PHYHIPL: variants seen among roughly 807,000 people sequenced by gnomAD.
PHYHIPL encodes phytanoyl-CoA 2-hydroxylase interacting protein like.
Under a neutral mutation model 33.4 loss-of-function variants are expected in PHYHIPL, and 9 were observed. The observed-to-expected ratio is 0.27, with a 90% CI of 0.16 to 0.47. The LOEUF is 0.47. PHYHIPL is among the 20% of genes least tolerant of loss of function. The pLI, the probability that PHYHIPL is intolerant of heterozygous loss-of-function variation, is 0.99. For missense variants in PHYHIPL, 365 were observed against 460.7 expected (o/e 0.79, Z 1.90); for synonymous variants, 153 against 154.1 (o/e 0.99, Z 0.05).
chr10:59,189,068 G>A (rs1367928555), intron 1 of PHYHIPL, among the ~76,000 whole-genome samples: 3 of 152,000 alleles, frequency 2.0e-5, no homozygotes, highest in Non-Finnish European at 2.9e-5. Flanking sequence ...TTATATTGAT[G>A]CATATTACAA....
intron 1 of PHYHIPL, chr10:59,177,712 G>A: frequency 7.0e-6 from 10 of 1,418,930 alleles, no homozygotes; most frequent in Non-Finnish European, 7.8e-6. Context: ...ACAGGTCTGA[G>A]CGTTGAAGAC....
At chr10:59,174,571 C>T (rs967199144), upstream of PHYHIPL, among the ~76,000 whole-genome samples, 3 of 152,204 alleles carry the variant, frequency 2.0e-5, no homozygotes, top group Non-Finnish European at 4.4e-5. Context: ...TCCAAATCCT[C>T]AGCAGAAAGG....
At chr10:59,207,525 G>A (rs572806257) in intron 1 of PHYHIPL, among the ~76,000 whole-genome samples, 52 of 152,290 alleles carry the variant, frequency 3.4e-4, no homozygotes, top group South Asian at 2.7e-3. Flanking sequence ...AGAGCCCACC[G>A]CAGCTCAGCA....
At chr10:59,212,603 A>G (rs1183328387) in intron 1 of PHYHIPL, among the ~76,000 whole-genome samples, 1 of 152,240 alleles carries the variant, frequency 6.6e-6, no homozygotes, top group Non-Finnish European at 1.5e-5. Context: ...TCTGCATGTC[A>G]CTTTCCTTTT....
chr10:59,227,633 C>G (rs1169435398), intron 1 of PHYHIPL, among the ~76,000 whole-genome samples: 1 of 152,010 alleles, frequency 6.6e-6, no homozygotes, highest in East Asian at 1.9e-4. Context: ...GTACATATAC[C>G]TCACACTATG....
chr10:59,239,772 C>CT lies in PHYHIPL; in HGVS notation c.596+1068dup, dbSNP rs539989249. On this transcript the variant is annotated intron_variant, in intron 4 of 4. Transcript: ENST00000373880. ...TTGTGTTTTAAAAGCCTTAGTCTCA[C>CT]TAAGGCTTTTAAAATGGCAAATGCT... Among the ~76,000 whole-genome samples the CT allele has an allele frequency of 3.5e-3, 525 of 152,064 alleles. 1 individual carries two copies. The highest frequency in any genetic ancestry group is 6.1e-3 in the Admixed American group (93 of 15,262).
chr10:59,198,325 T>C (rs1838985656), intron 1 of PHYHIPL, among the ~76,000 whole-genome samples: 4 of 152,136 alleles, frequency 2.6e-5, no homozygotes, highest in Admixed American at 2.6e-4. Flanking sequence ...GTCCTTGCGA[T>C]AGTTTTCTGA....
intron 1 of PHYHIPL, among the ~76,000 whole-genome samples, chr10:59,224,456 G>GAAAGGAAACA (rs1554798694): frequency 7.1e-6 from 1 of 139,902 alleles, no homozygotes; most frequent in East Asian, 2.1e-4. Context: ...CTGTCTCAAG[G>GAAAGGAAACA]AAACAAAACA....
chr10:59,218,293 C>T (rs1371408045), intron 1 of PHYHIPL, among the ~76,000 whole-genome samples: 4 of 152,172 alleles, frequency 2.6e-5, no homozygotes, highest in Non-Finnish European at 4.4e-5. Flanking sequence ...GAAGCTTAAG[C>T]TTCATTATCT....
intron 1 of PHYHIPL, among the ~76,000 whole-genome samples, chr10:59,228,085 A>C (rs1839979244): frequency 6.6e-6 from 1 of 151,698 alleles, no homozygotes; most frequent in Non-Finnish European, 1.5e-5. Flanking sequence ...AATATGATTC[A>C]ACATTTGCAC....
chr10:59,224,496 A>AAAACAAAACAAAAC (rs370381201), intron 1 of PHYHIPL, among the ~76,000 whole-genome samples: 3 of 52,430 alleles, frequency 5.7e-5, no homozygotes, highest in Non-Finnish European at 1.7e-4. Context: ...AAAACAAAAC[A>AAAACAAAACAAAAC]AAAAACAAAA....
chr10:59,182,727 A>T (rs1364742832), intron 1 of PHYHIPL, among the ~76,000 whole-genome samples: 4 of 152,192 alleles, frequency 2.6e-5, no homozygotes, highest in African/African-American at 9.6e-5. Context: ...CTGAGCAGAA[A>T]AAAATAGGTA....
chr10:59,185,184 G>T (rs1838548834), intron 1 of PHYHIPL, among the ~76,000 whole-genome samples: 1 of 151,564 alleles, frequency 6.6e-6, no homozygotes, highest in African/African-American at 2.4e-5. Context: ...TAGAGACGGG[G>T]TTTCACCGTT....
chr10:59,219,959 A>T (rs1333901827), intron 1 of PHYHIPL, among the ~76,000 whole-genome samples: 1 of 152,154 alleles, frequency 6.6e-6, no homozygotes, highest in African/African-American at 2.4e-5. Context: ...GAATTATGCA[A>T]ACAACTTGTA....
At chr10:59,212,084 G>A (rs1273824587) in intron 1 of PHYHIPL, among the ~76,000 whole-genome samples, 1 of 152,086 alleles carries the variant, frequency 6.6e-6, no homozygotes, top group African/African-American at 2.4e-5. Context: ...AGCTTTATAA[G>A]AAGAAGAAGA....
intron 1 of PHYHIPL, chr10:59,206,855 T>A (rs186413533): frequency 9.1e-6 from 10 of 1,100,928 alleles, no homozygotes; most frequent in African/African-American, 1.7e-5. Flanking sequence ...GTAAGTGCAC[T>A]TCATCTCCTG....
chr10:59,229,788 G>A (rs1278245159), intron 1 of PHYHIPL, among the ~76,000 whole-genome samples: 1 of 152,198 alleles, frequency 6.6e-6, no homozygotes, highest in Non-Finnish European at 1.5e-5. Context: ...TGAACACTCA[G>A]CAGTGTGTGA....
chr10:59,236,334 C>A, intron 2 of PHYHIPL, 149 bp from the exon 3 acceptor site: 4 of 451,316 alleles, frequency 8.9e-6, no homozygotes, highest in African/African-American at 2.0e-5. Flanking sequence ...CCTCCTTTTC[C>A]CTCCTTCCTT....
chr10:59,177,328 T>A, intron 1 of PHYHIPL: 1 of 758,150 alleles, frequency 1.3e-6, no homozygotes, highest in Non-Finnish European at 2.0e-6. Context: ...GGAAATGCCC[T>A]CGGGATGTTT....
Sources: allele counts gnomAD v4.1 joint callset (sites outside exome capture counted in the v4.1 genomes callset), GRCh38; gene constraint gnomAD v4.1.1; transcripts MANE v1.5; gene names NCBI Gene and HGNC (gene_info 2026-07-23, HGNC 2026-07-21).